The following BTBD17 variants were observed in gnomAD, a reference collection of about 807,000 sequenced individuals.
The protein encoded by BTBD17 is BTB domain containing 17, also known as BTB/POZ domain-containing protein 17.
Under a neutral mutation model 36.9 loss-of-function variants are expected in BTBD17, and 26 were observed. That is an observed-to-expected ratio of 0.70 (90% confidence interval 0.52 to 0.98). The LOEUF (loss-of-function observed/expected upper bound fraction) is 0.98. BTBD17 is among the 50% of genes least tolerant of loss of function. The pLI, the probability that BTBD17 is intolerant of heterozygous loss-of-function variation, is 0.00. For missense variants in BTBD17, 630 were observed against 691.3 expected (o/e 0.91, Z 0.99); for synonymous variants, 341 against 338.0 (o/e 1.01, Z -0.10).
rs1024932778 is a variant in BTBD17 at position 74,357,762 on chromosome 17, T to G, written c.363-31A>C. On this transcript the variant is annotated intron_variant, in intron 2 of 2. Transcript: ENST00000375366. This position sits in a 1 kb window ranked among gnomAD's most constrained non-coding sequence, Gnocchi z 8.4. ...GGAGAGACCGAGAGGTGGGGCGGGG[T>G]CAGGGCGGTACCCACCTCCCAGGAT... 20 of 1,502,092 alleles carry G rather than the reference T, an allele frequency of 1.3e-5. No individual in the cohort carries two copies. Among genetic ancestry groups the G allele is most frequent in the Non-Finnish European group, 1.6e-5 (18 of 1,123,070 alleles). The allele number at this position is 1,502,092 out of a possible 1,614,324, so 93.0% of individuals were successfully genotyped here. A position where few individuals can be genotyped will look rare whatever the true frequency, so the allele number is the denominator to read the frequency against.
intron 1 of BTBD17, 23 bp downstream of exon 1, chr17:74,361,712 C>T: frequency 6.2e-7 from 1 of 1,603,354 alleles, no homozygotes. Flanking sequence ...CCCTGCCCCG[C>T]ACCTGGCCCA....
rs1189431094 is a variant in BTBD17, at chr17:74,356,941, G to A, written c.1153C>T (p.Arg385Cys). The A allele has an allele frequency of 7.2e-7, 1 of 1,394,498 alleles. No homozygotes were observed. Among genetic ancestry groups the A allele is most frequent in the Non-Finnish European group, 9.2e-7 (1 of 1,086,860 alleles). The allele number at this position is 1,394,498 out of a possible 1,614,324, so 86.4% of individuals were successfully genotyped here. Residue 385 changes from arginine to cysteine, a missense_variant, in exon 3 of 3, where the codon CGC becomes TGC. Transcript: ENST00000375366. The surrounding 1 kb of genome is among the most constrained non-coding windows in gnomAD (Gnocchi z 4.3). ...DAAGTALPAA[R>C]PEDGRPRLVV... ...AGCCGCGGTCGGCCGTCCTCCGGGC[G>A]CGCGGCGGGCAGAGCAGTGCCCGCG...
At chr17:74,359,010 T>TA (rs1356631755) in intron 2 of BTBD17, among the ~76,000 whole-genome samples, 4 of 152,192 alleles carry the variant, frequency 2.6e-5, no homozygotes, top group Non-Finnish European at 4.4e-5. Context: ...TGCCTGGAAC[T>TA]TGGAAGCAAT....
rs1004852214 is a variant in BTBD17 at position 74,356,936 on chromosome 17, C to T, written c.1158G>A (p.Pro386=). The change falls in exon 3 of 3, where the codon CCG becomes CCA. Residue 386 remains proline (P), a synonymous_variant. Coordinates refer to ENST00000375366, the MANE Select transcript of BTBD17 (RefSeq NM_001080466.2). This position sits in a 1 kb window ranked among gnomAD's most constrained non-coding sequence, Gnocchi z 4.3. Reference sequence around the variant, plus strand: ...CCACCAGCCGCGGTCGGCCGTCCTCCGGGCGCGCGGCGGGCAGAGCAGTGC... The same window carrying T: ...CCACCAGCCGCGGTCGGCCGTCCTCTGGGCGCGCGGCGGGCAGAGCAGTGC... ...AAGTALPAAR[P]EDGRPRLVVT... The T allele has an allele frequency of 9.3e-6, 13 of 1,396,432 alleles. No homozygotes were observed. Among genetic ancestry groups the T allele is most frequent in the Non-Finnish European group, 1.2e-5 (13 of 1,088,104 alleles). 86.5% of individuals were successfully genotyped at this position (1,396,432 alleles called of 1,614,324 possible).
Position 74,357,470 on chromosome 17 carries a change from C to T in BTBD17, c.624G>A (p.Val208=). The T allele has an allele frequency of 6.4e-7, 1 of 1,574,734 alleles. No homozygotes were observed. Among genetic ancestry groups the T allele is most frequent in the Non-Finnish European group, 8.6e-7 (1 of 1,169,240 alleles). ...GGAGCTGCCAGAGCAGCTCGGGGCT[C>T]ACGGCGCCCCACTCGGTGCTGGCCG... The part of the protein sequence containing the change: ...AVAASTEWGA[V]SPELLWQLLQ... The change falls in exon 3 of 3, where the codon GTG becomes GTA. Residue 208 remains valine, a synonymous_variant. Coordinates refer to ENST00000375366, the MANE Select transcript of BTBD17 (RefSeq NM_001080466.2). This position sits in a 1 kb window ranked among gnomAD's most constrained non-coding sequence, Gnocchi z 8.4.
chr17:74,358,551 G>C (rs2054914393), intron 2 of BTBD17, among the ~76,000 whole-genome samples: 2 of 136,826 alleles, frequency 1.5e-5, no homozygotes, highest in Non-Finnish European at 3.0e-5. Context: ...TCCTGGACTT[G>C]AGCAGTCCTC....
At chr17:74,362,378 A>G (rs1397457687), upstream of BTBD17, among the ~76,000 whole-genome samples, 2 of 152,234 alleles carry the variant, frequency 1.3e-5, no homozygotes, top group African/African-American at 4.8e-5. Context: ...GCAGCTCCTC[A>G]GAGAGAAGCT....
chr17:74,360,774 C>G (rs951535503), intron 1 of BTBD17, among the ~76,000 whole-genome samples: 2 of 152,178 alleles, frequency 1.3e-5, no homozygotes, highest in Non-Finnish European at 2.9e-5. Context: ...CATAAAAGCA[C>G]GAATTGACAT....
At position 74,356,615 on chromosome 17, in the gene BTBD17, C is replaced by A; in HGVS notation, c.*42G>T. 2.8e-6 allele frequency: 4 copies of A among 1,420,272 alleles called. No homozygotes were observed. Among genetic ancestry groups the A allele is most frequent in the Admixed American group, 2.8e-5 (1 of 35,652 alleles). 88.0% of individuals were successfully genotyped at this position (1,420,272 alleles called of 1,614,324 possible). ...GCTCGCCTTGCCCTTCCCAGACCCA[C>A]AGGGACCACCTAGGCCAGGCCTTTA... is the stretch of plus-strand genomic sequence containing the variant. On this transcript the variant is annotated 3_prime_UTR_variant, in exon 3 of 3. Transcript: ENST00000375366. The surrounding 1 kb of genome is among the most constrained non-coding windows in gnomAD (Gnocchi z 4.3).
At chr17:74,362,620 G>A (rs2054947481), upstream of BTBD17, among the ~76,000 whole-genome samples, 2 of 152,332 alleles carry the variant, frequency 1.3e-5, no homozygotes, top group South Asian at 2.1e-4. Context: ...CCCAGAGCGG[G>A]GCTGGCCACC....
intron 1 of BTBD17, 27 bp from the exon 2 acceptor site, chr17:74,360,272 C>T (rs759647854): frequency 1.3e-6 from 2 of 1,578,298 alleles, no homozygotes; most frequent in African/African-American, 2.7e-5. Flanking sequence ...CACAGCATAG[C>T]CTGAGAAGGT....
Position 74,361,591 on chromosome 17 carries a change from C to T in BTBD17, c.85+144G>A, listed in dbSNP as rs956875271. The T allele has an allele frequency of 2.4e-5, 15 of 630,162 alleles. No individual in the cohort carries two copies. In the South Asian group the frequency reaches 2.7e-4, roughly 11 times the overall value. The allele number at this position is 630,162 out of a possible 1,614,324, so 39.0% of individuals were successfully genotyped here. A position where few individuals can be genotyped will look rare whatever the true frequency, so the allele number is the denominator to read the frequency against. On this transcript the variant is annotated intron_variant, in intron 1 of 2. Coordinates refer to ENST00000375366, the MANE Select transcript of BTBD17 (RefSeq NM_001080466.2). ...CTGCCAGGCCCCTCCTTCCTTCAGACAGATGAGTCCGTGGAGCTGTCCGGT... is the reference window on the plus strand; with the variant it reads ...CTGCCAGGCCCCTCCTTCCTTCAGATAGATGAGTCCGTGGAGCTGTCCGGT...
chr17:74,360,360 G>T (rs1338180013), intron 1 of BTBD17, 115 bp from the exon 2 acceptor site: 5 of 1,147,242 alleles, frequency 4.4e-6, no homozygotes, highest in Non-Finnish European at 6.1e-6. Flanking sequence ...AGAGGGCAAG[G>T]TGGGCCTAGG....
chr17:74,359,847 A>G (rs2054924479), intron 2 of BTBD17, 122 bp downstream of exon 2: 1 of 969,722 alleles, frequency 1.0e-6, no homozygotes, highest in Admixed American at 2.2e-5. Context: ...CTGTCATCCC[A>G]GTGATGTCCG....
At chr17:74,362,958 G>A (rs560997901), upstream of BTBD17, among the ~76,000 whole-genome samples, 16 of 106,516 alleles carry the variant, frequency 1.5e-4, no homozygotes, top group East Asian at 2.1e-3. Flanking sequence ...CAGCAAAAGC[G>A]CGCGCGCATG....
intron 2 of BTBD17, among the ~76,000 whole-genome samples, chr17:74,359,166 T>C (rs940756278): frequency 6.6e-6 from 1 of 152,190 alleles, no homozygotes; most frequent in Non-Finnish European, 1.5e-5. Flanking sequence ...TCCCTAGCCC[T>C]GTGGTTCCAA....
chr17:74,356,843 C>T lies in BTBD17; in HGVS notation c.1251G>A (p.Ala417=), dbSNP rs745374685. The change falls in exon 3 of 3, where the codon GCG becomes GCA. Residue 417 remains alanine (A), a synonymous_variant. Coordinates refer to ENST00000375366, the MANE Select transcript of BTBD17 (RefSeq NM_001080466.2). The surrounding 1 kb of genome is among the most constrained non-coding windows in gnomAD (Gnocchi z 4.3). ...GGACCAGCAGGCGGCCCTGCTGGCGCGCCCCCACCAGCACCGTCTTCTGGA... is the reference window on the plus strand; with the variant it reads ...GGACCAGCAGGCGGCCCTGCTGGCGTGCCCCCACCAGCACCGTCTTCTGGA... ...VSFQKTVLVG[A]RQQGRLLVRH... The T allele has an allele frequency of 6.4e-7, 1 of 1,561,740 alleles. No homozygotes were observed. Among genetic ancestry groups the T allele is most frequent in the Non-Finnish European group, 8.6e-7 (1 of 1,161,156 alleles).
In BTBD17 at chr17:74,357,349, C is replaced by G; in HGVS notation, c.745G>C (p.Glu249Gln). The G allele has an allele frequency of 6.4e-7, 1 of 1,551,890 alleles. No homozygotes were observed. The highest frequency in any genetic ancestry group is 8.6e-7 in the Non-Finnish European group (1 of 1,156,946). The change falls in exon 3 of 3, where the codon GAG (glutamate) becomes CAG (glutamine). Residue 249 changes from glutamate (E) to glutamine (Q), a missense_variant. Glu to Gln is a conservative substitution (Grantham distance 29). Coordinates refer to ENST00000375366, the MANE Select transcript of BTBD17 (RefSeq NM_001080466.2). This position sits in a 1 kb window ranked among gnomAD's most constrained non-coding sequence, Gnocchi z 8.4. ...GRARPPPAVA[E>Q]RALRAIRYPM... is the part of the protein sequence containing the mutation. ...TAGCGTATGGCGCGCAGCGCCCGCTCGGCCACGGCAGGGGGCGGCCGCGCG... is the reference window on the plus strand; with the variant it reads ...TAGCGTATGGCGCGCAGCGCCCGCTGGGCCACGGCAGGGGGCGGCCGCGCG...
In BTBD17 at chr17:74,357,483, T is replaced by A; in HGVS notation, c.611A>T (p.Glu204Val). 1.3e-6 allele frequency: 2 copies of A among 1,572,144 alleles called. No individual in the cohort carries two copies. Among genetic ancestry groups the A allele is most frequent in the African/African-American group, 1.4e-5 (1 of 74,070 alleles). The change falls in exon 3 of 3, where the codon GAG (glutamate) becomes GTG (valine). Residue 204 changes from glutamate (E) to valine (V), a missense_variant. Glu to Val is a moderately radical substitution (Grantham distance 121). Transcript: ENST00000375366. The surrounding 1 kb of genome is among the most constrained non-coding windows in gnomAD (Gnocchi z 8.4). Reference sequence around the variant, plus strand: ...CAGCTCGGGGCTCACGGCGCCCCACTCGGTGCTGGCCGCCACGGCCGACAG... The same window carrying A: ...CAGCTCGGGGCTCACGGCGCCCCACACGGTGCTGGCCGCCACGGCCGACAG... ...WNLSAVAAST[E>V]WGAVSPELLW...
Sources: gnomAD v4.1 joint callset for allele counts (sites outside exome capture counted in the v4.1 genomes callset) on GRCh38, gnomAD v4.1.1 for gene constraint, Gnocchi (gnomAD v3.1) non-coding constraint, MANE v1.5 for transcripts, NCBI Gene and HGNC (gene_info 2026-07-23, HGNC 2026-07-21) for gene names.